Variants in KANK1 observed in about 807,000 individuals in gnomAD.
The protein encoded by KANK1 is KN motif and ankyrin repeat domain-containing protein 1.
A neutral mutation model predicts 106.2 loss-of-function variants in KANK1; 109 were observed. That is an observed-to-expected ratio of 1.03 (90% confidence interval 0.88 to 1.20). KANK1 has a LOEUF of 1.20. Ranked by LOEUF, KANK1 falls within the 50% of genes most tolerant of loss-of-function variation. KANK1 has a pLI of 0.00. For missense variants in KANK1, 2,399 were observed against 1,710.7 expected (o/e 1.40, Z -7.10); for synonymous variants, 873 against 652.2 (o/e 1.34, Z -5.16).
intron 3 of KANK1, among the ~76,000 whole-genome samples, chr9:726,744 G>C (rs1464061146): frequency 6.6e-6 from 1 of 151,788 alleles, no homozygotes; most frequent in Non-Finnish European, 1.5e-5. Flanking sequence ...CAGATTTCCT[G>C]AGGTCACAAG....
intron 1 of KANK1, among the ~76,000 whole-genome samples, chr9:511,993 C>G (rs1191414003): frequency 6.6e-6 from 1 of 151,210 alleles, no homozygotes; most frequent in African/African-American, 2.5e-5. Flanking sequence ...ATGTGCTGGT[C>G]CACTGGCTCC....
chr9:658,473 A>G (rs1294761799), intron 1 of KANK1, among the ~76,000 whole-genome samples: 1 of 138,758 alleles, frequency 7.2e-6, no homozygotes, highest in African/African-American at 3.1e-5. Flanking sequence ...CTTTTAAAGA[A>G]AAAAAAAGAT....
intron 1 of KANK1, among the ~76,000 whole-genome samples, chr9:528,002 G>T (rs1275444652): frequency 6.6e-6 from 1 of 151,946 alleles, no homozygotes; most frequent in Non-Finnish European, 1.5e-5. Flanking sequence ...GTGGTGGCGG[G>T]CGCCTGTATA....
chr9:703,862 C>G (rs982111586), intron 2 of KANK1, among the ~76,000 whole-genome samples: 1 of 152,022 alleles, frequency 6.6e-6, no homozygotes, highest in African/African-American at 2.4e-5. Context: ...CAGGTGCACA[C>G]CACCATGCCC....
At chr9:629,096 C>G (rs1182832885) in intron 1 of KANK1, among the ~76,000 whole-genome samples, 3 of 139,166 alleles carry the variant, frequency 2.2e-5, no homozygotes, top group Admixed American at 7.3e-5. Flanking sequence ...AAAAAAAAAT[C>G]CCATCTTGCA....
At chr9:734,560 G>A (rs1030750402) in intron 6 of KANK1, 188 bp from the exon 7 acceptor site, 1 of 472,736 alleles carries the variant, frequency 2.1e-6, no homozygotes, top group Non-Finnish European at 3.9e-6. Context: ...CAGCTACTAG[G>A]GAGGCTGAGG....
intron 3 of KANK1, among the ~76,000 whole-genome samples, chr9:722,658 A>G (rs939165665): frequency 3.3e-5 from 5 of 152,250 alleles, no homozygotes; most frequent in African/African-American, 4.8e-5. Flanking sequence ...CACCATCCAA[A>G]GAACATTTTC....
intron 5 of KANK1, 59 bp downstream of exon 5, chr9:731,325 A>G (rs1483547411): frequency 9.8e-7 from 1 of 1,024,756 alleles, no homozygotes; most frequent in Non-Finnish European, 1.5e-6. Flanking sequence ...CCTCCTGCCT[A>G]AGTCACATTT....
intron 1 of KANK1, among the ~76,000 whole-genome samples, chr9:542,865 C>T (rs9408625): frequency 0.48 from 73,480 of 151,902 alleles, 20,744 homozygotes; most frequent in East Asian, 0.75. Context: ...AAGCTGAGAG[C>T]GGAGTGGTGG....
At chr9:728,288 T>TC (rs142693333) in intron 3 of KANK1, among the ~76,000 whole-genome samples, 11,533 of 152,128 alleles carry the variant, frequency 0.076, 1,086 homozygotes, top group African/African-American at 0.21. Context: ...AACCTCCACC[T>TC]CCGGGTTCGA....
At chr9:573,261 A>G (rs938840256) in intron 1 of KANK1, among the ~76,000 whole-genome samples, 4 of 151,820 alleles carry the variant, frequency 2.6e-5, no homozygotes, top group African/African-American at 4.8e-5. Context: ...AAAAATGAGG[A>G]TTTATTATTA....
chr9:743,746 C>A (rs572729763), intron 10 of KANK1, among the ~76,000 whole-genome samples: 1 of 152,252 alleles, frequency 6.6e-6, no homozygotes, highest in Admixed American at 6.5e-5. Context: ...CCTGTAGTCT[C>A]AGATACCGTG....
rs1474960441 is a variant in KANK1, at chr9:742,194, T to C, written c.3697-11T>C. On this transcript the variant is annotated splice_polypyrimidine_tract_variant and intron_variant, in intron 9 of 11. Coordinates refer to ENST00000382297, the MANE Select transcript of KANK1 (RefSeq NM_015158.5). ...ACGTACTTCTGAAGTCCTTGTCATC[T>C]CTTCCCATAGGCGGGACAGACGGCC... 1 of 1,613,532 alleles carries C rather than the reference T, an allele frequency of 6.2e-7. No individual in the cohort carries two copies. The highest frequency in any genetic ancestry group is 1.3e-5 in the African/African-American group (1 of 75,034).
At chr9:603,349 T>C (rs1209032007) in intron 1 of KANK1, among the ~76,000 whole-genome samples, 3 of 151,906 alleles carry the variant, frequency 2.0e-5, no homozygotes, top group Admixed American at 6.5e-5. Context: ...GTGTAAATTA[T>C]CTTTGCAGCA....
intron 1 of KANK1, among the ~76,000 whole-genome samples, chr9:666,180 C>CA (rs202042928): frequency 0.019 from 2,549 of 136,416 alleles, 74 homozygotes; most frequent in African/African-American, 0.055. Context: ...AACCCTGTCT[C>CA]AAAAAAAAAA....
chr9:606,159 ACACACACACACACAC>A, intron 1 of KANK1, among the ~76,000 whole-genome samples: 8 of 150,884 alleles, frequency 5.3e-5, no homozygotes, highest in African/African-American at 2.0e-4. Flanking sequence ...ACACACACAC[ACACACACACACACAC>A]ACACACACCA....
At chr9:586,867 C>T (rs1471777897) in intron 1 of KANK1, among the ~76,000 whole-genome samples, 1 of 152,116 alleles carries the variant, frequency 6.6e-6, no homozygotes, top group African/African-American at 2.4e-5. Context: ...GCCCCTGCAC[C>T]CCCAGCAGGA....
intron 3 of KANK1, among the ~76,000 whole-genome samples, chr9:498,077 G>A (rs1342233964): frequency 6.6e-6 from 1 of 152,066 alleles, no homozygotes; most frequent in Non-Finnish European, 1.5e-5. Flanking sequence ...GCATACCCAA[G>A]GCTCATTCTG....
At chr9:494,116 C>T (rs1309341750) in intron 3 of KANK1, among the ~76,000 whole-genome samples, 2 of 149,766 alleles carry the variant, frequency 1.3e-5, no homozygotes, top group East Asian at 2.0e-4. Flanking sequence ...CTCCTGACCT[C>T]GTGATCCGCC....
Sources: gnomAD v4.1 joint callset for allele counts (sites outside exome capture counted in the v4.1 genomes callset) on GRCh38, gnomAD v4.1.1 for gene constraint, MANE v1.5 for transcripts, NCBI Gene and HGNC (gene_info 2026-07-23, HGNC 2026-07-21) for gene names.